Variants in CACNA2D3 observed in about 807,000 individuals in gnomAD.
The protein encoded by CACNA2D3 is calcium voltage-gated channel auxiliary subunit alpha2delta 3.
CACNA2D3 carries 60 observed loss-of-function variants against 160.6 expected under a neutral mutation model. The ratio of observed to expected loss-of-function variants is 0.37; its 90% CI spans 0.30 to 0.46. The LOEUF (loss-of-function observed/expected upper bound fraction) is 0.46, where lower values mean the gene tolerates loss of function less well. Ranked by LOEUF, CACNA2D3 falls within the 20% of genes least tolerant of loss-of-function variation. The pLI, the probability that CACNA2D3 is intolerant of heterozygous loss-of-function variation, is 1.00. For missense variants in CACNA2D3, 1,205 were observed against 1,365.0 expected, an observed-to-expected ratio of 0.88 and a Z score of 1.85; for synonymous variants, 558 against 492.9, an observed-to-expected ratio of 1.13 and a Z score of -1.75.
At chr3:54,276,530 G>A (rs904646981) in intron 2 of CACNA2D3, among the ~76,000 whole-genome samples, 13 of 149,860 alleles carry the variant, frequency 8.7e-5, no homozygotes, top group South Asian at 2.1e-4. Context: ...CCAAGATCAC[G>A]TGGCTGCACT....
At chr3:54,728,730 G>C (rs910045878) in intron 11 of CACNA2D3, among the ~76,000 whole-genome samples, 2 of 152,140 alleles carry the variant, frequency 1.3e-5, no homozygotes, top group Non-Finnish European at 2.9e-5. Flanking sequence ...ATTACAACTT[G>C]TTTATTTATA....
At chr3:54,435,043 C>T (rs777946304) in intron 4 of CACNA2D3, among the ~76,000 whole-genome samples, 1 of 152,044 alleles carries the variant, frequency 6.6e-6, no homozygotes, top group Admixed American at 6.5e-5. Context: ...TGACATTAAT[C>T]CTATAACCAC....
rs745684927 is a variant in CACNA2D3, at chr3:54,880,808, G to T, written c.1857G>T (p.Ala619=). The T allele has an allele frequency of 6.2e-7, 1 of 1,613,626 alleles. No individual in the cohort carries two copies. Among genetic ancestry groups the T allele is most frequent in the Non-Finnish European group, 8.5e-7 (1 of 1,179,688 alleles). ...IKGTPFSLGV[A]LSRGHGKYFF... ...TCTCTCTGCACAGTTTAGGTGTGGC[G>T]CTTTCCAGAGGTCATGGGAAATATT... The change falls in exon 21 of 38, where the codon GCG becomes GCT. Residue 619 remains alanine (A), a synonymous_variant. Coordinates refer to ENST00000474759, the MANE Select transcript of CACNA2D3 (RefSeq NM_018398.3).
rs375458473 is a variant in CACNA2D3, at chr3:54,879,431, A to G, written c.1844+20A>G. On this transcript the variant is annotated intron_variant, in intron 20 of 37. Transcript: ENST00000474759. ...TTTCAGGTAGAGCTGACCATAATAC[A>G]TGGACATTCCATCAGACCCATCAGT... 11 of 1,550,520 alleles carry G rather than the reference A, an allele frequency of 7.1e-6. No homozygotes were observed. The highest frequency in any genetic ancestry group is 1.1e-5 in the South Asian group (1 of 87,624).
intron 31 of CACNA2D3, among the ~76,000 whole-genome samples, chr3:55,001,966 G>A (rs556715538): frequency 2.0e-5 from 3 of 152,128 alleles, no homozygotes; most frequent in Non-Finnish European, 4.4e-5. Context: ...AGACCAGCCT[G>A]GCCAACATAG....
chr3:54,935,382 A>G (rs1446711865), intron 27 of CACNA2D3, among the ~76,000 whole-genome samples: 1 of 152,216 alleles, frequency 6.6e-6, no homozygotes, highest in Non-Finnish European at 1.5e-5. Context: ...ATTTCAGATA[A>G]GTATGATTAA....
chr3:54,453,749 T>G (rs1184286094), intron 4 of CACNA2D3, among the ~76,000 whole-genome samples: 1 of 152,212 alleles, frequency 6.6e-6, no homozygotes, highest in African/African-American at 2.4e-5. Context: ...CCCCACCAGT[T>G]CCTCAACTGC....
chr3:54,303,174 G>A (rs993909921), intron 2 of CACNA2D3, among the ~76,000 whole-genome samples: 2 of 152,254 alleles, frequency 1.3e-5, no homozygotes, highest in East Asian at 3.9e-4. Context: ...CTCCCCAGTA[G>A]ATTCTAAGCT....
In CACNA2D3 at chr3:54,581,863, A is replaced by G. The variant is rs1405202114; in HGVS notation, c.949A>G (p.Arg317Gly). The change falls in exon 9 of 38, where the codon AGG becomes GGG. Residue 317 changes from arginine (R) to glycine (G), a missense_variant. By Grantham distance (125) the Arg-to-Gly change is moderately radical (BLOSUM62 -2). This residue lies in a region of CACNA2D3 where 911 missense variants were observed against 1,002.2 expected (regional missense o/e 0.91). Transcript: ENST00000474759. ...CLNGTLVQAD[R>G]TNKEHFREHL... ...GAATGGAACTTTGGTGCAAGCCGAC[A>G]GGACAAACAAAGAGGTAGGGGCAGC... 1.9e-6 allele frequency: 3 copies of G among 1,613,720 alleles called. No individual in the cohort carries two copies. The highest frequency in any genetic ancestry group is 1.3e-5 in the African/African-American group (1 of 74,920).
rs1703469671 is a variant in CACNA2D3, at chr3:54,816,857, C to T, written c.1385C>T (p.Pro462Leu). 3 of 1,613,748 alleles carry T rather than the reference C, an allele frequency of 1.9e-6. No homozygotes were observed. Among genetic ancestry groups the T allele is most frequent in the Admixed American group, 1.7e-5 (1 of 59,990 alleles). ...TGTTTTGTTTTCCCCCTTCAGCTCC[C>T]TCAGGCACAAAAGGTAAATTCTCTT... Reference protein sequence around the residue: ...WTEAYIDSTLPQAQKLTDDQG... With the variant: ...WTEAYIDSTLLQAQKLTDDQG... Residue 462 changes from proline (P) to leucine (L), a missense_variant, in exon 14 of 38, where the codon CCT becomes CTT. Physicochemically the swap from Pro to Leu is moderately conservative, Grantham distance 98. Coordinates refer to ENST00000474759, the MANE Select transcript of CACNA2D3 (RefSeq NM_018398.3).
intron 2 of CACNA2D3, among the ~76,000 whole-genome samples, chr3:54,294,952 C>G (rs923539277): frequency 7.1e-6 from 1 of 141,504 alleles, no homozygotes; most frequent in Admixed American, 7.5e-5. Flanking sequence ...AGATCATTGC[C>G]TTGCTTCCAC....
intron 2 of CACNA2D3, among the ~76,000 whole-genome samples, chr3:54,130,734 C>T (rs1013375910): frequency 6.6e-6 from 1 of 152,172 alleles, no homozygotes; most frequent in African/African-American, 2.4e-5. Context: ...GACCTTAGTT[C>T]CTATTTGAAA....
At chr3:54,418,862 C>G (rs1333393444) in intron 4 of CACNA2D3, among the ~76,000 whole-genome samples, 1 of 152,076 alleles carries the variant, frequency 6.6e-6, no homozygotes, top group East Asian at 1.9e-4. Flanking sequence ...TTATTTTGCC[C>G]CATACCCTTG....
intron 12 of CACNA2D3, among the ~76,000 whole-genome samples, chr3:54,759,741 C>T (rs998698282): frequency 1.3e-5 from 2 of 152,180 alleles, no homozygotes; most frequent in African/African-American, 2.4e-5. Context: ...CAGAGTTCCC[C>T]AGCTACAATA....
intron 2 of CACNA2D3, among the ~76,000 whole-genome samples, chr3:54,149,494 G>GTA (rs1700099975): frequency 2.0e-5 from 3 of 152,186 alleles, no homozygotes; most frequent in African/African-American, 7.2e-5. Flanking sequence ...ATCCCTGAAA[G>GTA]TATTCGGAGT....
At chr3:54,144,654 G>T (rs1318730846) in intron 2 of CACNA2D3, among the ~76,000 whole-genome samples, 1 of 152,238 alleles carries the variant, frequency 6.6e-6, no homozygotes, top group Non-Finnish European at 1.5e-5. Context: ...GCATACCTGG[G>T]TTCAAATACT....
At chr3:54,494,530 G>A (rs921982408) in intron 4 of CACNA2D3, among the ~76,000 whole-genome samples, 2 of 152,152 alleles carry the variant, frequency 1.3e-5, no homozygotes, top group Non-Finnish European at 2.9e-5. Context: ...TGTCAAGCAG[G>A]CTGAGGCTTC....
At chr3:54,477,319 G>A (rs1700847216) in intron 4 of CACNA2D3, among the ~76,000 whole-genome samples, 1 of 151,898 alleles carries the variant, frequency 6.6e-6, no homozygotes, top group Non-Finnish European at 1.5e-5. Flanking sequence ...GGAAAACTTA[G>A]TAAGTCGCCA....
intron 5 of CACNA2D3, among the ~76,000 whole-genome samples, chr3:54,509,847 T>A (rs1393634531): frequency 1.3e-5 from 2 of 152,206 alleles, no homozygotes; most frequent in East Asian, 3.8e-4. Context: ...ATTCACAAGT[T>A]GAGTGGCTGA....
Sources: gnomAD v4.1 joint callset for allele counts (sites outside exome capture counted in the v4.1 genomes callset) on GRCh38, gnomAD v4.1.1 for gene constraint, gnomAD v4.1.1 regional missense constraint, MANE v1.5 for transcripts, NCBI Gene and HGNC (gene_info 2026-07-23, HGNC 2026-07-21) for gene names.